ANGPT2: variants seen among roughly 807,000 people sequenced by gnomAD.
The protein encoded by ANGPT2 is angiopoietin-2.
ANGPT2 carries 28 observed loss-of-function variants against 62.9 expected under a neutral mutation model. The ratio of observed to expected loss-of-function variants is 0.44; its 90% CI spans 0.33 to 0.61. The LOEUF (loss-of-function observed/expected upper bound fraction) is 0.61, where lower values mean the gene tolerates loss of function less well. ANGPT2 is among the 20% of genes least tolerant of loss of function. The probability of loss-of-function intolerance (pLI) is 0.03; values close to 1 mark genes in which losing one functional copy is unlikely to be tolerated. For synonymous variants in ANGPT2, 284 were observed against 207.8 expected (o/e 1.37, Z -3.15); for missense variants, 727 against 594.9 (o/e 1.22, Z -2.31).
chr8:6,542,073 C>G (rs1333947148), intron 1 of ANGPT2, among the ~76,000 whole-genome samples: 1 of 151,444 alleles, frequency 6.6e-6, no homozygotes, highest in Non-Finnish European at 1.5e-5. Flanking sequence ...AAATTTAGCT[C>G]TAGGAATGAG....
At position 6,509,918 on chromosome 8, in the gene ANGPT2, G is replaced by T. The variant is rs78679261; in HGVS notation, c.1197-856C>A. 7.4e-3 allele frequency among the ~76,000 whole-genome samples: 1,131 copies of T among 152,278 alleles called. 5 individuals carry two copies. Among genetic ancestry groups the T allele is most frequent in the Non-Finnish European group, 0.01 (714 of 68,020 alleles). Reference sequence around the variant, plus strand: ...CTGGGACCTGTGGCTCGCTGCCGCTGCCTGGCATCATGAGGGAGCATCGTG... The same window carrying T: ...CTGGGACCTGTGGCTCGCTGCCGCTTCCTGGCATCATGAGGGAGCATCGTG... On this transcript the variant is annotated intron_variant, in intron 7 of 8. Coordinates refer to ENST00000629816, the MANE Select transcript of ANGPT2 (RefSeq NM_001118887.2).
intron 1 of ANGPT2, among the ~76,000 whole-genome samples, chr8:6,550,341 T>C (rs1823412984): frequency 6.6e-6 from 1 of 152,144 alleles, no homozygotes; most frequent in East Asian, 1.9e-4. Context: ...TGAGGCAGTG[T>C]GGCGTGGGGC....
intron 1 of ANGPT2, among the ~76,000 whole-genome samples, chr8:6,559,833 C>T (rs144543752): frequency 2.5e-4 from 38 of 151,844 alleles, no homozygotes; most frequent in African/African-American, 8.5e-4. Flanking sequence ...TGGTCCACTG[C>T]AGTGTGTTTT....
rs1563305883 is a variant in ANGPT2, at chr8:6,505,303, GT to G, written c.1328-2043del. Among the ~76,000 whole-genome samples the G allele has an allele frequency of 2.4e-4, 6 of 25,330 alleles. 2 individuals carry two copies. Among genetic ancestry groups the G allele is most frequent in the African/African-American group, 1.2e-3 (6 of 4,838 alleles). The allele number at this position is 25,330 out of a possible 152,430, so 16.6% of individuals were successfully genotyped here. On this transcript the variant is annotated intron_variant, in intron 8 of 8. Transcript: ENST00000629816. ...ATATATATGTTATATACATATATAT[GT>G]ATATAACATATATATGTTATATACA...
At position 6,508,984 on chromosome 8, in the gene ANGPT2, C is replaced by T; in HGVS notation, c.1275G>A (p.Lys425=). Residue 425 remains lysine, a synonymous_variant, in exon 8 of 9, where the codon AAG becomes AAA. Transcript: ENST00000629816. The part of the protein sequence containing the change: ...ISQPGNDFST[K]DGDNDKCICK... Reference sequence around the variant, plus strand: ...AAATACATTTGTCGTTGTCTCCATCCTTTGTGCTAAAATCATTTCCTGGTT... The same window carrying T: ...AAATACATTTGTCGTTGTCTCCATCTTTTGTGCTAAAATCATTTCCTGGTT... 1 of 1,614,152 alleles carries T rather than the reference C, an allele frequency of 6.2e-7. No individual in the cohort carries two copies. The highest frequency in any genetic ancestry group is 1.7e-5 in the Admixed American group (1 of 60,030).
chr8:6,555,232 C>G (rs996547723), intron 1 of ANGPT2, among the ~76,000 whole-genome samples: 1 of 152,080 alleles, frequency 6.6e-6, no homozygotes, highest in African/African-American at 2.4e-5. Flanking sequence ...GTGAGATGGA[C>G]AATAACAATC....
chr8:6,553,031 G>A (rs1258187570), intron 1 of ANGPT2, among the ~76,000 whole-genome samples: 1 of 152,158 alleles, frequency 6.6e-6, no homozygotes, highest in Non-Finnish European at 1.5e-5. Flanking sequence ...TACAATGGTG[G>A]ATCCATGGCT....
At chr8:6,557,632 C>A (rs1379246766) in intron 1 of ANGPT2, among the ~76,000 whole-genome samples, 1 of 151,394 alleles carries the variant, frequency 6.6e-6, no homozygotes, top group East Asian at 1.9e-4. Flanking sequence ...TCTTACAGGG[C>A]CATCCTATAG....
At chr8:6,538,015 C>A (rs1226561760) in intron 1 of ANGPT2, among the ~76,000 whole-genome samples, 2 of 152,092 alleles carry the variant, frequency 1.3e-5, no homozygotes, top group Non-Finnish European at 2.9e-5. Flanking sequence ...GGTAAATTAA[C>A]AAATAATTTG....
At chr8:6,536,799 A>G (rs1344897648) in intron 1 of ANGPT2, among the ~76,000 whole-genome samples, 1 of 152,048 alleles carries the variant, frequency 6.6e-6, no homozygotes, top group Non-Finnish European at 1.5e-5. Flanking sequence ...AGACCTTGAA[A>G]TTTCCCTGTC....
At chr8:6,532,059 G>T (rs1264735284) in intron 2 of ANGPT2, among the ~76,000 whole-genome samples, 3 of 152,194 alleles carry the variant, frequency 2.0e-5, no homozygotes, top group Non-Finnish European at 4.4e-5. Context: ...TATTCATCTT[G>T]CAGTGGTTGG....
chr8:6,506,807 T>G (rs1163742942), intron 8 of ANGPT2, among the ~76,000 whole-genome samples: 2 of 151,956 alleles, frequency 1.3e-5, no homozygotes, highest in Non-Finnish European at 1.5e-5. Context: ...GAGGCCTGAT[T>G]CTTTCAGCAT....
In ANGPT2 at chr8:6,514,688, C is replaced by T; in HGVS notation, c.1018G>A (p.Glu340Lys). ...AAGAATGTCCTTACCACTTTATATT[C>T]TTTCCAAGTCCTCTGAAAATCAACG... ...GSVDFQRTWK[E>K]YKVGFGNPSG... The change falls in exon 6 of 9, where the codon GAA becomes AAA. Residue 340 changes from glutamate to lysine, a missense_variant. Glu to Lys is a moderately conservative substitution (Grantham distance 56). Coordinates refer to ENST00000629816, the MANE Select transcript of ANGPT2 (RefSeq NM_001118887.2). The T allele has an allele frequency of 3.1e-6, 5 of 1,614,024 alleles. No individual in the cohort carries two copies. Among genetic ancestry groups the T allele is most frequent in the Non-Finnish European group, 4.2e-6 (5 of 1,179,932 alleles).
At chr8:6,535,927 C>T (rs1010693135) in intron 1 of ANGPT2, among the ~76,000 whole-genome samples, 4 of 151,110 alleles carry the variant, frequency 2.6e-5, no homozygotes, top group African/African-American at 4.9e-5. Context: ...CCTGGTAGTG[C>T]GAGCCTGTAG....
rs1238125038 is a variant in ANGPT2, at chr8:6,519,848, G to T, written c.927+16C>A. 1 of 1,613,072 alleles carries T rather than the reference G, an allele frequency of 6.2e-7. No homozygotes were observed. The highest frequency in any genetic ancestry group is 8.5e-7 in the Non-Finnish European group (1 of 1,179,368). ...CCTAGAGCCAGGGAGTTAGTAAGGGGAGACGAATACCTCACCTTGATCTCT... is the reference window on the plus strand; with the variant it reads ...CCTAGAGCCAGGGAGTTAGTAAGGGTAGACGAATACCTCACCTTGATCTCT... On this transcript the variant is annotated intron_variant, in intron 5 of 8. Coordinates refer to ENST00000629816, the MANE Select transcript of ANGPT2 (RefSeq NM_001118887.2).
chr8:6,524,105 C>G (rs896537414), intron 3 of ANGPT2, among the ~76,000 whole-genome samples: 9 of 152,172 alleles, frequency 5.9e-5, no homozygotes, highest in Admixed American at 5.2e-4. Context: ...TGTCAGATTC[C>G]TCTCTCTGAC....
intron 1 of ANGPT2, among the ~76,000 whole-genome samples, chr8:6,550,252 T>TG (rs1823394031): frequency 6.6e-6 from 1 of 152,126 alleles, no homozygotes; most frequent in South Asian, 2.1e-4. Context: ...GCGTCACTGA[T>TG]GCGCAGCTCA....
intron 1 of ANGPT2, among the ~76,000 whole-genome samples, chr8:6,549,353 T>G (rs1347706428): frequency 6.6e-6 from 1 of 152,238 alleles, no homozygotes; most frequent in Non-Finnish European, 1.5e-5. Flanking sequence ...AAAAGGAGTA[T>G]GTACTGATTG....
chr8:6,529,457 T>TTC lies in ANGPT2; in HGVS notation c.445-1782_445-1781insGA, dbSNP rs200488508. Reference sequence around the variant, plus strand: ...TCCTTAAGCTCAGCCATTTTTCTTTTTTTTTTTTTTTTGAGACAGAGTCTC... The same window carrying TTC: ...TCCTTAAGCTCAGCCATTTTTCTTTTTCTTTTTTTTTTTTGAGACAGAGTCTC... On this transcript the variant is annotated intron_variant, in intron 2 of 8. Coordinates refer to ENST00000629816, the MANE Select transcript of ANGPT2 (RefSeq NM_001118887.2). Among the ~76,000 whole-genome samples, 723 of 150,748 alleles carry TTC rather than the reference T, an allele frequency of 4.8e-3. 7 individuals carry two copies. The highest frequency in any genetic ancestry group is 0.015 in the African/African-American group (636 of 41,174).
Sources: allele counts gnomAD v4.1 joint callset (sites outside exome capture counted in the v4.1 genomes callset), GRCh38; gene constraint gnomAD v4.1.1; transcripts MANE v1.5; gene names NCBI Gene and HGNC (gene_info 2026-07-23, HGNC 2026-07-21).